URGCP: variants seen among roughly 807,000 people sequenced by gnomAD.
The protein encoded by URGCP is upregulator of cell proliferation.
Under a neutral mutation model 24.6 loss-of-function variants are expected in URGCP, and 13 were observed. That is an observed-to-expected ratio of 0.53 (90% CI 0.34 to 0.84). The LOEUF is 0.84. Among genes scored for constraint, URGCP ranks in the 40% least tolerant of loss-of-function variants. URGCP has a pLI of 0.01. For missense variants in URGCP, 899 were observed against 1,194.3 expected (o/e 0.75, Z 3.64); for synonymous variants, 444 against 487.2 (o/e 0.91, Z 1.17).
rs1554293880 is a variant in URGCP, at chr7:43,925,815, T to TTTTTTC, written c.-116+316_-116+317insGAAAAA. 5.6e-3 allele frequency among the ~76,000 whole-genome samples: 810 copies of TTTTTTC among 144,922 alleles called. 8 individuals are homozygous for TTTTTTC. Among genetic ancestry groups the TTTTTTC allele is most frequent in the African/African-American group, 0.019 (774 of 39,770 alleles). On this transcript the variant is annotated intron_variant, in intron 1 of 5. Transcript: ENST00000426198. ...TCGTCTGGCTTTTTTTTTTTTTTTTTCAAAAAAATGTTGGTTGCAACCTAT... is the reference window on the plus strand; with the variant it reads ...TCGTCTGGCTTTTTTTTTTTTTTTTTTTTTTCCAAAAAAATGTTGGTTGCAACCTAT...
chr7:43,911,723 CAT>C (rs2095910370), intron 1 of URGCP, among the ~76,000 whole-genome samples: 1 of 152,166 alleles, frequency 6.6e-6, no homozygotes, highest in East Asian at 1.9e-4. Context: ...ACCTAACAGA[CAT>C]ATGCACAGCA....
intron 1 of URGCP, among the ~76,000 whole-genome samples, chr7:43,913,258 G>A (rs147734073): frequency 3.3e-5 from 5 of 152,268 alleles, no homozygotes; most frequent in African/African-American, 1.2e-4. Flanking sequence ...GTCCAGGCTG[G>A]AGTGCAGTGG....
chr7:43,906,700 G>C (rs1208814513), upstream of URGCP: 1 of 983,384 alleles, frequency 1.0e-6, no homozygotes, highest in Middle Eastern at 4.4e-4. Context: ...GGGTGGAGGT[G>C]GGGTGAGGTG....
chr7:43,887,532 A>G (rs370244317), intron 2 of URGCP, 47 bp from the exon 3 acceptor site: 5 of 1,600,096 alleles, frequency 3.1e-6, no homozygotes, highest in Non-Finnish European at 4.3e-6. Flanking sequence ...ATGGAATACC[A>G]CTTTCACCTA....
At chr7:43,919,436 C>G in intron 1 of URGCP, 3 of 920,726 alleles carry the variant, frequency 3.3e-6, no homozygotes, top group Non-Finnish European at 5.5e-6. Flanking sequence ...TGCGCTACCC[C>G]AGCTACATGG....
At position 43,926,242 on chromosome 7, in the gene URGCP, C is replaced by G. The variant is rs915384773; in HGVS notation, c.-226G>C. 17 of 193,148 alleles carry G rather than the reference C, an allele frequency of 8.8e-5. No homozygotes were observed. The Admixed American group carries it at 1.0e-3, about 12-fold the overall frequency. The allele number at this position is 193,148 out of a possible 1,614,324, so 12.0% of individuals were successfully genotyped here. ...GGCACCTTGAGGGTGCTCCGCGCGT[C>G]TCCGTAAAGCCAACGAGCCCCTCCT... On this transcript the variant is annotated 5_prime_UTR_variant, in exon 1 of 6. Transcript: ENST00000426198.
chr7:43,901,193 T>C lies in URGCP; in HGVS notation c.14+5369A>G, dbSNP rs189330496. 2.5e-3 allele frequency among the ~76,000 whole-genome samples: 377 copies of C among 152,292 alleles called. 2 individuals are homozygous for C. Among genetic ancestry groups the C allele is most frequent in the African/African-American group, 8.4e-3 (351 of 41,566 alleles). ...GTTGGGGGTGGGCAGGATCTAAATTTAAAAGAACATTCCCTAGGACTGGAA... is the reference window on the plus strand; with the variant it reads ...GTTGGGGGTGGGCAGGATCTAAATTCAAAAGAACATTCCCTAGGACTGGAA... On this transcript the variant is annotated intron_variant, in intron 1 of 5. Transcript: ENST00000453200.
chr7:43,887,576 C>A, intron 2 of URGCP, 91 bp from the exon 3 acceptor site: 1 of 1,525,372 alleles, frequency 6.6e-7, no homozygotes, highest in South Asian at 1.3e-5. Context: ...TCTTGGAGAG[C>A]TTTTAAAAAC....
intron 5 of URGCP, among the ~76,000 whole-genome samples, chr7:43,881,436 G>A (rs1051420443): frequency 4.0e-5 from 6 of 151,866 alleles, no homozygotes; most frequent in Non-Finnish European, 7.4e-5. Context: ...GGTGGAGGGG[G>A]GGCCTGGTTA....
intron 1 of URGCP, among the ~76,000 whole-genome samples, chr7:43,890,632 C>A (rs1341283719): frequency 6.6e-6 from 1 of 152,208 alleles, no homozygotes; most frequent in East Asian, 1.9e-4. Context: ...TGCCTAGGGG[C>A]CACCTGCAGC....
In URGCP at chr7:43,906,558, T is replaced by C; in HGVS notation, c.14+4A>G. On this transcript the variant is annotated splice_donor_region_variant and intron_variant, in intron 1 of 5. Transcript: ENST00000453200. ...GGGCGCAGGGCCTGCGAGGCGGCAC[T>C]CACCCGGGCGACGCCATGAGCGCAG... 8.1e-7 allele frequency: 1 copy of C among 1,240,856 alleles called. No homozygotes were observed. Among genetic ancestry groups the C allele is most frequent in the Non-Finnish European group, 1.0e-6 (1 of 984,444 alleles). 76.9% of individuals were successfully genotyped at this position (1,240,856 alleles called of 1,614,324 possible). A position where few individuals can be genotyped will look rare whatever the true frequency, so the allele number is the denominator to read the frequency against.
chr7:43,926,585 T>C, upstream of URGCP: 13 of 1,559,458 alleles, frequency 8.3e-6, no homozygotes, highest in Non-Finnish European at 1.1e-5. Context: ...TCCAACTCTT[T>C]GGGTGTCCGA....
chr7:43,912,081 TA>T, intron 1 of URGCP, among the ~76,000 whole-genome samples: 1 of 152,278 alleles, frequency 6.6e-6, no homozygotes, highest in Admixed American at 6.5e-5. Context: ...ATTTATACTT[TA>T]ATGCCTATAT....
At chr7:43,906,752 CAGCTGGGGCGG>C, upstream of URGCP, 1 of 103,474 alleles carries the variant, frequency 9.7e-6, no homozygotes, top group Non-Finnish European at 1.9e-5. Flanking sequence ...AGCCCGGGGA[CAGCTGGGGCGG>C]GGTGGGGGCG....
chr7:43,926,687 A>G (rs1009969385), upstream of URGCP: 5 of 956,408 alleles, frequency 5.2e-6, no homozygotes, highest in South Asian at 2.2e-5. Flanking sequence ...GGAAGGAGGC[A>G]GAACAGCCTC....
At chr7:43,882,990 C>A (rs1478444070) in intron 3 of URGCP, among the ~76,000 whole-genome samples, 1 of 152,114 alleles carries the variant, frequency 6.6e-6, no homozygotes, top group Middle Eastern at 3.4e-3. Context: ...TACATCAGAG[C>A]ACAAATACAC....
Position 43,877,029 on chromosome 7 carries a change from T to C in URGCP, c.2434A>G (p.Met812Val), listed in dbSNP as rs759596098. ...AFLRLEKTGHMPNYQFVYQNL... is the reference protein window; with the variant it reads ...AFLRLEKTGHVPNYQFVYQNL... ...TGGTATACAAACTGGTAGTTGGGCA[T>C]GTGCCCCGTTTTTTCTAACCTCAGA... The change falls in exon 6 of 6, where the codon ATG (methionine) becomes GTG (valine). Residue 812 changes from methionine to valine, a missense_variant. Coordinates refer to ENST00000453200, the MANE Select transcript of URGCP (RefSeq NM_001077663.3). 9 of 1,614,246 alleles carry C rather than the reference T, an allele frequency of 5.6e-6. No individual in the cohort carries two copies. The highest frequency in any genetic ancestry group is 1.7e-5 in the Admixed American group (1 of 60,030).
At chr7:43,900,154 GAA>G (rs991267867) in intron 1 of URGCP, among the ~76,000 whole-genome samples, 1 of 149,130 alleles carries the variant, frequency 6.7e-6, no homozygotes, top group Non-Finnish European at 1.5e-5. Context: ...CAAAAAGAAA[GAA>G]AGAAAAAAAA....
At chr7:43,923,878 TA>T (rs1226832688) in intron 1 of URGCP, among the ~76,000 whole-genome samples, 1 of 143,862 alleles carries the variant, frequency 7.0e-6, no homozygotes, top group East Asian at 2.0e-4. Flanking sequence ...GTATTATTAT[TA>T]TTTTTTTTTT....
Sources: gnomAD v4.1 joint callset for allele counts (sites outside exome capture counted in the v4.1 genomes callset) on GRCh38, gnomAD v4.1.1 for gene constraint, MANE v1.5 for transcripts, NCBI Gene and HGNC (gene_info 2026-07-23, HGNC 2026-07-21) for gene names.